The following PARM1 variants were observed in gnomAD, a reference collection of about 807,000 sequenced individuals.
PARM1 encodes prostate androgen-regulated mucin-like protein 1.
Under a neutral mutation model 24.6 loss-of-function variants are expected in PARM1, and 14 were observed. That is an observed-to-expected ratio of 0.57 (90% confidence interval 0.38 to 0.89). The LOEUF is 0.89. Among genes scored for constraint, PARM1 ranks in the 40% least tolerant of loss-of-function variants. The pLI is 0.00. For synonymous variants in PARM1, 179 were observed against 156.6 expected (o/e 1.14, Z -1.07); for missense variants, 362 against 380.4 (o/e 0.95, Z 0.40).
chr4:74,957,059 T>A (rs770323912), intron 1 of PARM1: 1 of 152,228 alleles, frequency 6.6e-6, no homozygotes, highest in African/African-American at 2.4e-5. Flanking sequence ...GCTTTTGAAT[T>A]ACATCTCTGC....
At chr4:75,044,060 A>AAG (rs397935443) in intron 3 of PARM1, among the ~76,000 whole-genome samples, 11 of 151,428 alleles carry the variant, frequency 7.3e-5, no homozygotes, top group African/African-American at 2.7e-4. Flanking sequence ...AAAAAAAAAA[A>AAG]TTGTCTTTTT....
intron 1 of PARM1, chr4:74,969,618 C>A (rs759568017): frequency 1.3e-5 from 2 of 152,202 alleles, no homozygotes; most frequent in South Asian, 2.1e-4. Context: ...CGTCTGGAGG[C>A]ATAGCTCTGA....
intron 1 of PARM1, among the ~76,000 whole-genome samples, chr4:74,985,113 G>A (rs750641144): frequency 1.3e-5 from 2 of 152,312 alleles, no homozygotes; most frequent in African/African-American, 2.4e-5. Context: ...AGCATCACAT[G>A]ATACTGCCAG....
intron 1 of PARM1, among the ~76,000 whole-genome samples, chr4:74,984,961 A>G (rs1015275663): frequency 2.6e-5 from 4 of 152,204 alleles, no homozygotes; most frequent in Admixed American, 6.5e-5. Context: ...GGGAGTGACA[A>G]AGCTCCAAAA....
intron 2 of PARM1, among the ~76,000 whole-genome samples, chr4:75,026,830 A>T (rs960607373): frequency 6.6e-6 from 1 of 152,180 alleles, no homozygotes; most frequent in African/African-American, 2.4e-5. Context: ...CCCTTTGTTC[A>T]TGCTAATTTA....
Position 75,030,162 on chromosome 4 carries a change from T to C in PARM1, c.770-3721T>C, listed in dbSNP as rs1249552063. On this transcript the variant is annotated intron_variant, in intron 2 of 3. Transcript: ENST00000307428. Reference sequence around the variant, plus strand: ...GTCAGGGAAAACGGCTCAGAAGAGTTGCTATTTAGCTAGATAGTGAAGAAG... The same window carrying C: ...GTCAGGGAAAACGGCTCAGAAGAGTCGCTATTTAGCTAGATAGTGAAGAAG... Among the ~76,000 whole-genome samples the C allele has an allele frequency of 3.3e-5, 5 of 152,278 alleles. No individual in the cohort carries two copies. The East Asian group carries it at 9.7e-4, about 29-fold the overall frequency.
At position 75,013,042 on chromosome 4, in the gene PARM1, C is replaced by T. The variant is rs770697907; in HGVS notation, c.661C>T (p.Pro221Ser). 4 of 1,613,686 alleles carry T rather than the reference C, an allele frequency of 2.5e-6. No homozygotes were observed. Among genetic ancestry groups the T allele is most frequent in the African/African-American group, 1.3e-5 (1 of 74,908 alleles). The change falls in exon 2 of 4, where the codon CCC becomes TCC. Residue 221 changes from proline (P) to serine (S), a missense_variant. Physicochemically the swap from Pro to Ser is moderately conservative, Grantham distance 74. Transcript: ENST00000307428. ...TGAGCCAGTACCCCAGGAGAAAACA[C>T]CCCCAACAACTGTGTCAGGCAAAGT... ...TAEPVPQEKT[P>S]PTTVSGKVMC...
chr4:74,976,636 C>G (rs1411928451), intron 1 of PARM1, among the ~76,000 whole-genome samples: 1 of 152,204 alleles, frequency 6.6e-6, no homozygotes, highest in African/African-American at 2.4e-5. Flanking sequence ...GATCTGGTGC[C>G]TCCTGACTGG....
Position 75,012,422 on chromosome 4 carries a change from C to G in PARM1, c.44-3C>G. The G allele has an allele frequency of 1.9e-6, 3 of 1,610,432 alleles. No individual in the cohort carries two copies. Among genetic ancestry groups the G allele is most frequent in the Non-Finnish European group, 2.5e-6 (3 of 1,176,968 alleles). On this transcript the variant is annotated splice_polypyrimidine_tract_variant and splice_region_variant and intron_variant, in intron 1 of 3. Coordinates refer to ENST00000307428, the MANE Select transcript of PARM1 (RefSeq NM_015393.4). ...AACCACTTTTGTACTGGCTTTTCCACAGGATGGAGGGTACAGAGTCTGCCT... is the reference window on the plus strand; with the variant it reads ...AACCACTTTTGTACTGGCTTTTCCAGAGGATGGAGGGTACAGAGTCTGCCT...
In PARM1 at chr4:74,933,410, T is replaced by G. The variant is rs6836354; in HGVS notation, c.43+40T>G. On this transcript the variant is annotated intron_variant, in intron 1 of 3. Coordinates refer to ENST00000307428, the MANE Select transcript of PARM1 (RefSeq NM_015393.4). ...CCTCCCGGAAGGGCAGGTCGCGGGG[T>G]GGGCCCCAGTAGCTAGCGCGTGGTC... 6,970 of 1,583,200 alleles carry G rather than the reference T, an allele frequency of 4.4e-3. 244 individuals are homozygous for G. In the African/African-American group the frequency reaches 0.082, roughly 19 times the overall value.
At chr4:75,006,459 A>G (rs1722770784) in intron 1 of PARM1, among the ~76,000 whole-genome samples, 1 of 152,022 alleles carries the variant, frequency 6.6e-6, no homozygotes. Flanking sequence ...ATGTCCCTAC[A>G]AAGGACATGA....
chr4:75,012,457 C>A lies in PARM1; in HGVS notation c.76C>A (p.Pro26Thr), dbSNP rs1440856290. Residue 26 changes from proline (P) to threonine (T), a missense_variant, in exon 2 of 4, where the codon CCT (proline) becomes ACT (threonine). Physicochemically the swap from Pro to Thr is conservative, Grantham distance 38. Transcript: ENST00000307428. ...GGTACAGAGTCTGCCTACATCAGCT[C>A]CTTTGTCTGTTTCTCTTCCGACAAA... The part of the protein sequence containing the change: ...WRVQSLPTSA[P>T]LSVSLPTNIV... 2 of 1,613,940 alleles carry A rather than the reference C, an allele frequency of 1.2e-6. No homozygotes were observed.
At chr4:74,934,176 G>A (rs1721127613) in intron 1 of PARM1, among the ~76,000 whole-genome samples, 2 of 152,142 alleles carry the variant, frequency 1.3e-5, no homozygotes, top group South Asian at 2.1e-4. Flanking sequence ...GCTCGGCTTG[G>A]CGGGGACCGG....
At chr4:74,983,482 T>C (rs1004943842) in intron 1 of PARM1, among the ~76,000 whole-genome samples, 1 of 152,180 alleles carries the variant, frequency 6.6e-6, no homozygotes, top group East Asian at 1.9e-4. Context: ...CACTACCAGC[T>C]ATGAAACTTC....
chr4:75,022,846 G>A (rs1005675374), intron 2 of PARM1, among the ~76,000 whole-genome samples: 10 of 152,262 alleles, frequency 6.6e-5, no homozygotes, highest in African/African-American at 2.4e-4. Context: ...TATCAGAAAG[G>A]TTCTAAAAAA....
At position 75,047,997 on chromosome 4, in the gene PARM1, G is replaced by T. The variant is rs984647879; in HGVS notation, c.*1750G>T. 3 of 152,124 alleles carry T rather than the reference G, an allele frequency of 2.0e-5. No homozygotes were observed. The highest frequency in any genetic ancestry group is 7.2e-5 in the African/African-American group (3 of 41,428). The allele number at this position is 152,124 out of a possible 1,614,324, so 9.4% of individuals were successfully genotyped here. ...AACATTGGGTCCGACTTCAAAATGT[G>T]TTGTATTGTCCTACAGTGTCATAAA... is the stretch of plus-strand genomic sequence containing the variant. On this transcript the variant is annotated 3_prime_UTR_variant, in exon 4 of 4. Coordinates refer to ENST00000307428, the MANE Select transcript of PARM1 (RefSeq NM_015393.4).
intron 2 of PARM1, among the ~76,000 whole-genome samples, chr4:75,025,337 C>T (rs1191600256): frequency 3.6e-4 from 55 of 152,134 alleles, no homozygotes; most frequent in South Asian, 2.1e-4. Context: ...ATGTGTTAAT[C>T]GGTTGTTCTA....
chr4:75,025,547 A>G (rs1352975447), intron 2 of PARM1, among the ~76,000 whole-genome samples: 1 of 152,194 alleles, frequency 6.6e-6, no homozygotes, highest in African/African-American at 2.4e-5. Flanking sequence ...AGTGAAGTGA[A>G]GAAACTTTAA....
rs376338177 is a variant in PARM1, at chr4:75,020,705, C to T, written c.769+7555C>T. Among the ~76,000 whole-genome samples, 14 of 152,300 alleles carry T rather than the reference C, an allele frequency of 9.2e-5. No homozygotes were observed. The East Asian group carries it at 2.3e-3, about 25-fold the overall frequency. Reference sequence around the variant, plus strand: ...CAGTGTCATCCCACAACCCTCCCCTCGCTCTCTGCACCACCCACACTGGCT... The same window carrying T: ...CAGTGTCATCCCACAACCCTCCCCTTGCTCTCTGCACCACCCACACTGGCT... On this transcript the variant is annotated intron_variant, in intron 2 of 3. Coordinates refer to ENST00000307428, the MANE Select transcript of PARM1 (RefSeq NM_015393.4).
Sources: gnomAD v4.1 joint callset for allele counts (sites outside exome capture counted in the v4.1 genomes callset) on GRCh38, gnomAD v4.1.1 for gene constraint, MANE v1.5 for transcripts, NCBI Gene and HGNC (gene_info 2026-07-23, HGNC 2026-07-21) for gene names.